SLC44A5: variants seen among roughly 807,000 people sequenced by gnomAD.
SLC44A5 encodes the protein solute carrier family 44 member 5.
Under a neutral mutation model 101.8 loss-of-function variants are expected in SLC44A5, and 57 were observed. The ratio of observed to expected loss-of-function variants is 0.56; its 90% CI spans 0.45 to 0.70. The LOEUF (loss-of-function observed/expected upper bound fraction) is 0.70, where lower values mean the gene tolerates loss of function less well. Among genes scored for constraint, SLC44A5 ranks in the 30% least tolerant of loss-of-function variants. SLC44A5 has a pLI of 0.00. For synonymous variants in SLC44A5, 281 were observed against 290.9 expected (o/e 0.97, Z 0.35); for missense variants, 737 against 853.1 (o/e 0.86, Z 1.70).
rs145611994 is a variant in SLC44A5, at chr1:75,434,162, C to T, written c.14-37541G>A. Among the ~76,000 whole-genome samples the T allele has an allele frequency of 8.5e-5, 13 of 152,266 alleles. No homozygotes were observed. The East Asian group carries it at 2.5e-3, about 29-fold the overall frequency. ...TGTTCTCACCTTAGCCGAATAACAG[C>T]ACCATCCTCCTGGTTACATAGTTAG... On this transcript the variant is annotated intron_variant, in intron 2 of 23. Coordinates refer to ENST00000370859, the MANE Select transcript of SLC44A5 (RefSeq NM_001130058.2).
At chr1:75,321,024 A>G (rs1242710201) in intron 4 of SLC44A5, among the ~76,000 whole-genome samples, 1 of 152,186 alleles carries the variant, frequency 6.6e-6, no homozygotes, top group Non-Finnish European at 1.5e-5. Flanking sequence ...TATTATAAAT[A>G]TGTAGGAGAA....
intron 2 of SLC44A5, among the ~76,000 whole-genome samples, chr1:75,502,164 T>C (rs1668995166): frequency 6.6e-6 from 1 of 152,048 alleles, no homozygotes; most frequent in African/African-American, 2.4e-5. Context: ...AAGTAAATGG[T>C]CAAATTCTGT....
At chr1:75,575,998 T>C (rs927555332) in intron 1 of SLC44A5, among the ~76,000 whole-genome samples, 1 of 151,514 alleles carries the variant, frequency 6.6e-6, no homozygotes, top group African/African-American at 2.4e-5. Context: ...GCACCAGAAA[T>C]GTAGTAGCCA....
intron 4 of SLC44A5, among the ~76,000 whole-genome samples, chr1:75,330,484 T>C (rs1656967730): frequency 6.6e-6 from 1 of 152,212 alleles, no homozygotes; most frequent in South Asian, 2.1e-4. Context: ...ATCTTGCAAC[T>C]ATGGTTCAAA....
intron 2 of SLC44A5, among the ~76,000 whole-genome samples, chr1:75,408,940 T>G (rs2101493901): frequency 6.6e-6 from 1 of 152,222 alleles, no homozygotes; most frequent in South Asian, 2.1e-4. Flanking sequence ...ACCAAAGAAG[T>G]TCTGAAAGAT....
At chr1:75,653,625 TGA>T in the SLC44A5 span, among the ~76,000 whole-genome samples, 62 of 152,326 alleles carry the variant, frequency 4.1e-4, no homozygotes, top group East Asian at 0.01. Context: ...CAGCCCACAC[TGA>T]TTTAACCACT....
chr1:75,234,641 C>G (rs189148275), intron 11 of SLC44A5, among the ~76,000 whole-genome samples: 256 of 152,152 alleles, frequency 1.7e-3, no homozygotes, highest in African/African-American at 5.8e-3. Context: ...CTAATTATCT[C>G]TAGGAGTTTG....
At chr1:75,640,966 T>C in the SLC44A5 span, among the ~76,000 whole-genome samples, 1 of 152,074 alleles carries the variant, frequency 6.6e-6, no homozygotes, top group Non-Finnish European at 1.5e-5. Flanking sequence ...AGTGAAGATG[T>C]GAGGAAGAAC....
the SLC44A5 span, among the ~76,000 whole-genome samples, chr1:75,718,804 T>C: frequency 1.3e-5 from 2 of 152,200 alleles, no homozygotes; most frequent in South Asian, 2.1e-4. Flanking sequence ...ATTACTCTGA[T>C]TGAAGAAGAG....
the SLC44A5 span, among the ~76,000 whole-genome samples, chr1:75,669,305 G>A: frequency 0.22 from 33,085 of 147,754 alleles, 4,680 homozygotes; most frequent in Middle Eastern, 0.38. Context: ...CTGACATGTG[G>A]ATTCCCTATA....
chr1:75,426,946 T>TA (rs1664348135), intron 2 of SLC44A5, among the ~76,000 whole-genome samples: 1 of 152,202 alleles, frequency 6.6e-6, no homozygotes, highest in African/African-American at 2.4e-5. Context: ...CTTCGCCAGA[T>TA]GGGTGCTCAT....
At chr1:75,356,231 A>AG (rs1570759599) in intron 3 of SLC44A5, among the ~76,000 whole-genome samples, 2 of 149,716 alleles carry the variant, frequency 1.3e-5, no homozygotes, top group Non-Finnish European at 3.0e-5. Flanking sequence ...AAAAAAAAAA[A>AG]AGAGATATTC....
At chr1:75,300,014 CAAA>C (rs35608663) in intron 5 of SLC44A5, among the ~76,000 whole-genome samples, 5,759 of 92,990 alleles carry the variant, frequency 0.062, 87 homozygotes, top group Middle Eastern at 0.14. Context: ...GACTCTGTCT[CAAA>C]AAAAAAAAAA....
rs1251100675 is a variant in SLC44A5, at chr1:75,243,037, C to A, written c.346-26G>T. 9 of 1,599,698 alleles carry A rather than the reference C, an allele frequency of 5.6e-6. No individual in the cohort carries two copies. In the East Asian group the frequency reaches 2.0e-4, roughly 36 times the overall value. ...CTGTGAACGAACAAAGTGATGAGAA[C>A]TGAACTGAGTTGAACAAACCCAGGA... On this transcript the variant is annotated intron_variant, in intron 7 of 23. Coordinates refer to ENST00000370859, the MANE Select transcript of SLC44A5 (RefSeq NM_001130058.2).
intron 1 of SLC44A5, among the ~76,000 whole-genome samples, chr1:75,550,014 G>T (rs1222525618): frequency 6.6e-6 from 1 of 152,082 alleles, no homozygotes; most frequent in Admixed American, 6.6e-5. Context: ...ATTGTAATGA[G>T]AGGTCATGTT....
intron 4 of SLC44A5, among the ~76,000 whole-genome samples, chr1:75,321,187 G>T (rs980098471): frequency 4.6e-5 from 7 of 151,990 alleles, no homozygotes; most frequent in Non-Finnish European, 8.8e-5. Context: ...ATATTTATTG[G>T]CATTTTGTCA....
chr1:75,644,061 T>C, the SLC44A5 span, among the ~76,000 whole-genome samples: 1 of 152,212 alleles, frequency 6.6e-6, no homozygotes, highest in South Asian at 2.1e-4. Flanking sequence ...GCCCATTCAC[T>C]AGTTAGTTGC....
chr1:75,690,538 A>G, the SLC44A5 span, among the ~76,000 whole-genome samples: 2 of 152,204 alleles, frequency 1.3e-5, no homozygotes, highest in African/African-American at 2.4e-5. Context: ...GGAGTTTCAC[A>G]TGACTAGCTA....
intron 3 of SLC44A5, among the ~76,000 whole-genome samples, chr1:75,391,486 A>G (rs1661786044): frequency 6.6e-6 from 1 of 152,246 alleles, no homozygotes; most frequent in African/African-American, 2.4e-5. Context: ...ATAAGGCTAC[A>G]GTAATCAAAA....
Sources: gnomAD v4.1 joint callset for allele counts (sites outside exome capture counted in the v4.1 genomes callset) on GRCh38, gnomAD v4.1.1 for gene constraint, MANE v1.5 for transcripts, NCBI Gene and HGNC (gene_info 2026-07-23, HGNC 2026-07-21) for gene names.